The following ADGRL3 variants were observed in gnomAD, a reference collection of about 807,000 sequenced individuals.
ADGRL3 encodes the protein adhesion G protein-coupled receptor L3.
ADGRL3 carries 62 observed loss-of-function variants against 153.5 expected under a neutral mutation model. The ratio of observed to expected loss-of-function variants is 0.40; its 90% confidence interval spans 0.33 to 0.50. The LOEUF is 0.50. Among genes scored for constraint, ADGRL3 ranks in the 20% least tolerant of loss-of-function variants. ADGRL3 has a pLI of 0.47. For synonymous variants in ADGRL3, 710 were observed against 672.5 expected, an observed-to-expected ratio of 1.06 and a Z score of -0.86; for missense variants, 1,641 against 1,859.4, an observed-to-expected ratio of 0.88 and a Z score of 2.16.
intron 2 of ADGRL3, among the ~76,000 whole-genome samples, chr4:61,399,340 C>T (rs1013344866): frequency 6.6e-6 from 1 of 151,294 alleles, no homozygotes; most frequent in African/African-American, 2.4e-5. Flanking sequence ...TTAATTTAGC[C>T]ATAACTTTGA....
intron 1 of ADGRL3, among the ~76,000 whole-genome samples, chr4:61,315,235 G>A (rs2095164984): frequency 6.6e-6 from 1 of 152,178 alleles, no homozygotes; most frequent in Admixed American, 6.5e-5. Context: ...AAGTTCTTGT[G>A]CAAGTTCTGA....
At chr4:61,921,156 G>T (rs1254462229) in intron 13 of ADGRL3, among the ~76,000 whole-genome samples, 1 of 151,740 alleles carries the variant, frequency 6.6e-6, no homozygotes, top group African/African-American at 2.4e-5. Flanking sequence ...ACTTTTAAAA[G>T]CTATTTGAAA....
intron 2 of ADGRL3, among the ~76,000 whole-genome samples, chr4:61,449,111 T>C (rs2097641598): frequency 6.6e-6 from 1 of 151,984 alleles, no homozygotes; most frequent in Non-Finnish European, 1.5e-5. Context: ...CTTTTATTTT[T>C]TCCTTTTATT....
At chr4:61,749,029 C>A (rs1230914354) in intron 8 of ADGRL3, among the ~76,000 whole-genome samples, 1 of 151,384 alleles carries the variant, frequency 6.6e-6, no homozygotes, top group African/African-American at 2.4e-5. Context: ...AACAAACAAC[C>A]CCATCAAAAA....
intron 2 of ADGRL3, among the ~76,000 whole-genome samples, chr4:61,447,693 T>C (rs2097601839): frequency 6.6e-6 from 1 of 152,216 alleles, no homozygotes; most frequent in Non-Finnish European, 1.5e-5. Context: ...TTGTATAATC[T>C]GTTTGAAACA....
intron 2 of ADGRL3, among the ~76,000 whole-genome samples, chr4:61,439,715 T>C (rs898256611): frequency 6.6e-6 from 1 of 152,184 alleles, no homozygotes. Flanking sequence ...TTTGGCTTTC[T>C]GTTCTTGTGA....
At position 61,698,750 on chromosome 4, in the gene ADGRL3, C is replaced by T. The variant is rs575250183; in HGVS notation, c.583+21815C>T. Among the ~76,000 whole-genome samples, 9 of 152,168 alleles carry T rather than the reference C, an allele frequency of 5.9e-5. No individual in the cohort carries two copies. The East Asian group carries it at 1.7e-3, about 29-fold the overall frequency. Reference sequence around the variant, plus strand: ...CCATTCAGTCATGGTGTGTTGCAACCTTTGATTGCAGCCACAGCTTATAAA... The same window carrying T: ...CCATTCAGTCATGGTGTGTTGCAACTTTTGATTGCAGCCACAGCTTATAAA... On this transcript the variant is annotated intron_variant, in intron 6 of 26. Coordinates refer to ENST00000683033, the MANE Select transcript of ADGRL3 (RefSeq NM_001387552.1).
At chr4:61,702,626 T>C (rs547413367) in intron 6 of ADGRL3, among the ~76,000 whole-genome samples, 1 of 152,252 alleles carries the variant, frequency 6.6e-6, no homozygotes, top group African/African-American at 2.4e-5. Flanking sequence ...AAGGGAATAA[T>C]TAATATTAAA....
At chr4:61,480,143 T>C in intron 2 of ADGRL3, among the ~76,000 whole-genome samples, 1 of 152,168 alleles carries the variant, frequency 6.6e-6, no homozygotes, top group Non-Finnish European at 1.5e-5. Flanking sequence ...CTTGCATAAC[T>C]GAAACTTTAT....
chr4:61,651,672 A>T (rs1394117876), intron 5 of ADGRL3, among the ~76,000 whole-genome samples: 1 of 151,034 alleles, frequency 6.6e-6, no homozygotes, highest in Admixed American at 6.6e-5. Flanking sequence ...CAGTGGCGTG[A>T]TCTCGGCTCA....
intron 1 of ADGRL3, among the ~76,000 whole-genome samples, chr4:61,298,180 T>C (rs972190763): frequency 2.6e-5 from 4 of 152,182 alleles, no homozygotes; most frequent in Non-Finnish European, 4.4e-5. Context: ...TTAAAGTAAT[T>C]ATTAACCTCT....
chr4:61,265,023 G>A (rs900009795), intron 1 of ADGRL3, among the ~76,000 whole-genome samples: 3 of 151,836 alleles, frequency 2.0e-5, no homozygotes, highest in African/African-American at 4.8e-5. Context: ...GAGAGCATTC[G>A]TAGGATTTCC....
chr4:62,039,673 TG>T (rs1727081551), intron 24 of ADGRL3, among the ~76,000 whole-genome samples: 1 of 152,050 alleles, frequency 6.6e-6, no homozygotes, highest in African/African-American at 2.4e-5. Context: ...CACATAAGAG[TG>T]GGGGCAGACC....
chr4:61,846,831 G>A (rs1435897570), intron 9 of ADGRL3, among the ~76,000 whole-genome samples: 1 of 151,856 alleles, frequency 6.6e-6, no homozygotes, highest in Non-Finnish European at 1.5e-5. Context: ...GAGTGAGCAA[G>A]CAAGGTGGGG....
intron 1 of ADGRL3, among the ~76,000 whole-genome samples, chr4:61,355,037 A>G (rs180730431): frequency 6.6e-6 from 1 of 152,248 alleles, no homozygotes; most frequent in East Asian, 1.9e-4. Context: ...TAGCAATACA[A>G]AGACCAGGTT....
At chr4:61,484,640 TAAG>T (rs1415335391) in intron 2 of ADGRL3, among the ~76,000 whole-genome samples, 3 of 152,132 alleles carry the variant, frequency 2.0e-5, no homozygotes, top group South Asian at 2.1e-4. Flanking sequence ...TAGCACCTAT[TAAG>T]AACCCTTCAA....
intron 2 of ADGRL3, among the ~76,000 whole-genome samples, chr4:61,482,982 G>A (rs1180695664): frequency 6.6e-6 from 1 of 152,116 alleles, no homozygotes; most frequent in African/African-American, 2.4e-5. Context: ...TCAAATAATT[G>A]GGATGAGTTC....
In ADGRL3 at chr4:61,266,815, A is replaced by T. The variant is rs149095685; in HGVS notation, c.-240+65050A>T. 5.9e-5 allele frequency among the ~76,000 whole-genome samples: 9 copies of T among 151,894 alleles called. No individual in the cohort carries two copies. In the East Asian group the frequency reaches 1.5e-3, roughly 26 times the overall value. On this transcript the variant is annotated intron_variant, in intron 1 of 26. Transcript: ENST00000683033. ...TAGTCCAGTAATTGAAGTAAGCCAG[A>T]ACTAATGTCAGTGCCATCATTCTTT... is the stretch of plus-strand genomic sequence containing the variant.
At chr4:61,703,812 T>C (rs2095809391) in intron 6 of ADGRL3, among the ~76,000 whole-genome samples, 1 of 152,056 alleles carries the variant, frequency 6.6e-6, no homozygotes, top group African/African-American at 2.4e-5. Context: ...TCTTTATATG[T>C]TCCTTCTGTT....
Sources: allele counts gnomAD v4.1 joint callset (sites outside exome capture counted in the v4.1 genomes callset), GRCh38; gene constraint gnomAD v4.1.1; transcripts MANE v1.5; gene names NCBI Gene and HGNC (gene_info 2026-07-23, HGNC 2026-07-21).